FAM124B: variants seen among roughly 807,000 people sequenced by gnomAD.
FAM124B encodes the protein protein FAM124B.
A neutral mutation model predicts 19.7 loss-of-function variants in FAM124B; 18 were observed. That is an observed-to-expected ratio of 0.92 (90% CI 0.63 to 1.36). The LOEUF is 1.36. Ranked by LOEUF, FAM124B falls within the 40% of genes most tolerant of loss-of-function variation. FAM124B has a pLI of 0.00. For missense variants in FAM124B, 540 were observed against 553.3 expected (o/e 0.98, Z 0.24); for synonymous variants, 223 against 225.2 (o/e 0.99, Z 0.09).
At chr2:224,385,599 C>T (rs1689790549) in intron 1 of FAM124B, among the ~76,000 whole-genome samples, 1 of 152,274 alleles carries the variant, frequency 6.6e-6, no homozygotes, top group South Asian at 2.1e-4. Flanking sequence ...GTCTCTTAAG[C>T]TTCACATCTA....
At chr2:224,399,321 A>T (rs1381074446) in intron 1 of FAM124B, among the ~76,000 whole-genome samples, 1 of 152,222 alleles carries the variant, frequency 6.6e-6, no homozygotes, top group Non-Finnish European at 1.5e-5. Context: ...CTTGGAAATT[A>T]TGGGGTTTTA....
chr2:224,393,343 G>T (rs553029191), intron 1 of FAM124B, among the ~76,000 whole-genome samples: 11 of 152,254 alleles, frequency 7.2e-5, no homozygotes, highest in African/African-American at 2.2e-4. Context: ...TTGTTGAGAT[G>T]GTACACCCCA....
chr2:224,385,641 TC>T, intron 1 of FAM124B, among the ~76,000 whole-genome samples: 1 of 152,126 alleles, frequency 6.6e-6, no homozygotes, highest in East Asian at 1.9e-4. Context: ...CACCAATCCC[TC>T]AAAAACAACA....
chr2:224,379,447 A>G lies in FAM124B; in HGVS notation c.*126T>C. 1 of 1,236,920 alleles carries G rather than the reference A, an allele frequency of 8.1e-7. No homozygotes were observed. The highest frequency in any genetic ancestry group is 1.1e-6 in the Non-Finnish European group (1 of 917,944). 76.6% of individuals were successfully genotyped at this position (1,236,920 alleles called of 1,614,324 possible). A position where few individuals can be genotyped will look rare whatever the true frequency, so the allele number is the denominator to read the frequency against. On this transcript the variant is annotated 3_prime_UTR_variant, in exon 2 of 2. Transcript: ENST00000409685. ...TGAACATTTGAAATAAAATCAATAC[A>G]GATTGTGCATGGGGAGCATTCAGCC... is the stretch of plus-strand genomic sequence containing the variant.
At chr2:224,398,508 T>G (rs1201138728) in intron 1 of FAM124B, among the ~76,000 whole-genome samples, 1 of 152,234 alleles carries the variant, frequency 6.6e-6, no homozygotes, top group Non-Finnish European at 1.5e-5. Flanking sequence ...CCTCAGGCAC[T>G]TTTATTATAT....
In FAM124B at chr2:224,379,715, CTG is replaced by C. The variant is rs1245182329; in HGVS notation, c.1224_1225del (p.Asn408LysfsTer4). 6.4e-7 allele frequency: 1 copy of C among 1,551,636 alleles called. No homozygotes were observed. Among genetic ancestry groups the C allele is most frequent in the African/African-American group, 1.4e-5 (1 of 73,126 alleles). On this transcript the variant is annotated frameshift_variant, in exon 2 of 2. Coordinates refer to ENST00000409685, the MANE Select transcript of FAM124B (RefSeq NM_001122779.2). LOFTEE classifies it low-confidence loss of function (END_TRUNC). ...AGGAGAGACTCTTTCCTTAAGGACA[CTG>C]TTGTTTTTGGAGGTAGCCACCCCCA...
intron 1 of FAM124B, among the ~76,000 whole-genome samples, chr2:224,395,655 G>A (rs16865939): frequency 0.031 from 4,661 of 152,286 alleles, 181 homozygotes; most frequent in East Asian, 0.1. Context: ...AAAGTTCTGA[G>A]GAATGAATAA....
Position 224,401,848 on chromosome 2 carries a change from G to A in FAM124B, c.-80C>T, listed in dbSNP as rs560710101. On this transcript the variant is annotated 5_prime_UTR_variant, in exon 1 of 2. Transcript: ENST00000409685. ...AGTTTCTGAAATGAATGAAGAAGCG[G>A]CCCAGCCTTCAGCCCGCCTGAAAAC... 4.7e-5 allele frequency: 71 copies of A among 1,504,382 alleles called. 1 individual carries two copies. In the East Asian group the frequency reaches 1.6e-3, roughly 34 times the overall value. 93.2% of individuals were successfully genotyped at this position (1,504,382 alleles called of 1,614,324 possible). A position where few individuals can be genotyped will look rare whatever the true frequency, so the allele number is the denominator to read the frequency against.
chr2:224,385,773 TCAGTC>T (rs934234923), intron 1 of FAM124B, among the ~76,000 whole-genome samples: 1 of 152,146 alleles, frequency 6.6e-6, no homozygotes, highest in Admixed American at 6.6e-5. Flanking sequence ...AGGAAGAGCA[TCAGTC>T]ACCCTTCTCC....
At chr2:224,400,326 A>G (rs1690044291) in intron 1 of FAM124B, 2 of 603,240 alleles carry the variant, frequency 3.3e-6, no homozygotes, top group Non-Finnish European at 6.0e-6. Context: ...CGGCCAACAT[A>G]GTGAGACCCC....
At chr2:224,384,887 C>T (rs1222921126) in intron 1 of FAM124B, among the ~76,000 whole-genome samples, 1 of 152,140 alleles carries the variant, frequency 6.6e-6, no homozygotes, top group Non-Finnish European at 1.5e-5. Flanking sequence ...ACTTTCTTAT[C>T]TTGGATGTTT....
At position 224,401,190 on chromosome 2, in the gene FAM124B, C is replaced by T. The variant is rs756690006; in HGVS notation, c.579G>A (p.Pro193=). ...ACTCTTTGGGGTCCACTGACATTCC[C>T]GGGGGCAGCTGCTTCAGGGAGAGCT... is the stretch of plus-strand genomic sequence containing the variant. ...ALQLSLKQLP[P]GMSVDPKESS... The change falls in exon 1 of 2, where the codon CCG becomes CCA. Residue 193 remains proline (P), a synonymous_variant. Transcript: ENST00000409685. 2.5e-6 allele frequency: 4 copies of T among 1,614,062 alleles called. No homozygotes were observed. The highest frequency in any genetic ancestry group is 2.2e-5 in the South Asian group (2 of 91,082).
chr2:224,379,738 C>T lies in FAM124B; in HGVS notation c.1203G>A (p.Gly401=). 1 of 1,551,650 alleles carries T rather than the reference C, an allele frequency of 6.4e-7. No homozygotes were observed. Among genetic ancestry groups the T allele is most frequent in the Non-Finnish European group, 8.7e-7 (1 of 1,147,000 alleles). Reference sequence around the variant, plus strand: ...CACTGTTGTTTTTGGAGGTAGCCACCCCCAAGGAAGAGGCTGGCAAGCAGA... The same window carrying T: ...CACTGTTGTTTTTGGAGGTAGCCACTCCCAAGGAAGAGGCTGGCAAGCAGA... ...PPFCLPASSL[G]VATSKNNSVL... Residue 401 remains glycine, a synonymous_variant, in exon 2 of 2, where the codon GGG becomes GGA. Transcript: ENST00000409685.
At chr2:224,399,260 G>A (rs1193768652) in intron 1 of FAM124B, among the ~76,000 whole-genome samples, 2 of 152,148 alleles carry the variant, frequency 1.3e-5, no homozygotes, top group Non-Finnish European at 1.5e-5. Context: ...TGACCATGAG[G>A]TTGATTTTAA....
Position 224,384,019 on chromosome 2 carries a change from G to A in FAM124B, c.733-3811C>T, listed in dbSNP as rs535408845. On this transcript the variant is annotated intron_variant, in intron 1 of 1. Transcript: ENST00000409685. ...AACACAGAGAGAAGCCTGAGTAATC[G>A]CCCCTTGCCATCTAAATCAATGTCA... is the stretch of plus-strand genomic sequence containing the variant. 2.6e-4 allele frequency among the ~76,000 whole-genome samples: 40 copies of A among 152,174 alleles called. 1 individual carries two copies. The highest frequency in any genetic ancestry group is 3.9e-4 in the Admixed American group (6 of 15,274).
chr2:224,400,462 C>G, intron 1 of FAM124B: 1 of 697,640 alleles, frequency 1.4e-6, no homozygotes, highest in Non-Finnish European at 2.6e-6. Flanking sequence ...GCTATGATGG[C>G]ACCACCGCAC....
intron 1 of FAM124B, among the ~76,000 whole-genome samples, chr2:224,393,740 G>A (rs148490266): frequency 6.8e-4 from 104 of 152,310 alleles, no homozygotes; most frequent in African/African-American, 2.4e-3. Flanking sequence ...TGAGAATAGC[G>A]ACATCTAGAA....
In FAM124B at chr2:224,401,715, A is replaced by C. The variant is rs1360952529; in HGVS notation, c.54T>G (p.Ser18=). ...LAMTVHLLAN[S]GHGSLLQRTL... is the part of the protein sequence containing the mutation. ...TCCTCTGCAGAAGGGAGCCGTGCCC[A>C]GAGTTGGCAAGAAGATGGACAGTCA... Residue 18 remains serine (S), a synonymous_variant, in exon 1 of 2, where the codon TCT becomes TCG. Coordinates refer to ENST00000409685, the MANE Select transcript of FAM124B (RefSeq NM_001122779.2). 5 of 1,614,016 alleles carry C rather than the reference A, an allele frequency of 3.1e-6. No homozygotes were observed. Among genetic ancestry groups the C allele is most frequent in the East Asian group, 4.5e-5 (2 of 44,900 alleles).
At chr2:224,398,116 TAC>T (rs59238078) in intron 1 of FAM124B, among the ~76,000 whole-genome samples, 8,992 of 152,148 alleles carry the variant, frequency 0.059, 431 homozygotes, top group East Asian at 0.14. Flanking sequence ...AACAGACTAA[TAC>T]ACAGAGTCTT....
Sources: allele counts gnomAD v4.1 joint callset (sites outside exome capture counted in the v4.1 genomes callset), GRCh38; gene constraint gnomAD v4.1.1; transcripts MANE v1.5; gene names NCBI Gene and HGNC (gene_info 2026-07-23, HGNC 2026-07-21).